The following LRBA variants were observed in gnomAD, a reference collection of about 807,000 sequenced individuals.
The protein encoded by LRBA is LPS responsive beige-like anchor protein.
In LRBA, 176 loss-of-function variants were observed where a neutral mutation model predicts 330.0. That is an observed-to-expected ratio of 0.53 (90% CI 0.47 to 0.60). The LOEUF (loss-of-function observed/expected upper bound fraction) is 0.60. Among genes scored for constraint, LRBA ranks in the 20% least tolerant of loss-of-function variants. The probability of loss-of-function intolerance (pLI) is 0.00; values close to 1 mark genes in which losing one functional copy is unlikely to be tolerated. For missense variants in LRBA, 3,259 were observed against 3,444.8 expected (o/e 0.95, Z 1.35); for synonymous variants, 1,230 against 1,193.0 (o/e 1.03, Z -0.64).
intron 37 of LRBA, among the ~76,000 whole-genome samples, chr4:150,644,069 AC>A (rs1358331662): frequency 6.6e-6 from 1 of 151,916 alleles, no homozygotes; most frequent in African/African-American, 2.4e-5. Context: ...ACCAGTGTGT[AC>A]CCATGGTATT....
At chr4:150,385,333 C>A (rs879340740) in intron 47 of LRBA, among the ~76,000 whole-genome samples, 1 of 152,002 alleles carries the variant, frequency 6.6e-6, no homozygotes, top group Non-Finnish European at 1.5e-5. Flanking sequence ...AAAAAATCTG[C>A]ATTATAGCCA....
At chr4:150,443,362 G>A (rs1364144445) in intron 44 of LRBA, among the ~76,000 whole-genome samples, 3 of 152,072 alleles carry the variant, frequency 2.0e-5, no homozygotes, top group East Asian at 3.8e-4. Context: ...ATACCCAAAG[G>A]AATATAAATC....
intron 42 of LRBA, 139 bp downstream of exon 42, chr4:150,487,593 C>A: frequency 9.4e-6 from 4 of 425,910 alleles, no homozygotes; most frequent in Admixed American, 3.5e-5. Flanking sequence ...TACTATGAAA[C>A]ATAAAACAGA....
At chr4:150,356,163 C>G (rs1053718459) in intron 47 of LRBA, among the ~76,000 whole-genome samples, 6 of 151,922 alleles carry the variant, frequency 3.9e-5, no homozygotes, top group African/African-American at 1.4e-4. Flanking sequence ...AGTTTCTTTC[C>G]ATGTCAACTT....
chr4:150,956,027 A>T (rs1737515677), intron 2 of LRBA, among the ~76,000 whole-genome samples: 1 of 149,386 alleles, frequency 6.7e-6, no homozygotes. Context: ...ATAAAATGAA[A>T]TTAACAATAT....
At chr4:150,952,507 G>T (rs1442579526) in intron 2 of LRBA, among the ~76,000 whole-genome samples, 2 of 152,016 alleles carry the variant, frequency 1.3e-5, no homozygotes, top group Non-Finnish European at 2.9e-5. Flanking sequence ...ATAAAAAAAA[G>T]GACTTTAAAA....
rs181650772 is a variant in LRBA at position 150,407,295 on chromosome 4, G to A, written c.7194+8143C>T. ...TAGAACTGTGAAAGAATAAATTTCT[G>A]CTGTTTAAGCCACCAAGTGTTTGCA... On this transcript the variant is annotated intron_variant, in intron 47 of 56. Coordinates refer to ENST00000651943, the MANE Select transcript of LRBA (RefSeq NM_001364905.1). Among the ~76,000 whole-genome samples the A allele has an allele frequency of 1.5e-3, 223 of 152,274 alleles. 1 individual carries two copies. The highest frequency in any genetic ancestry group is 3.3e-3 in the Admixed American group (50 of 15,292).
chr4:150,308,280 T>C (rs1730614664), intron 52 of LRBA, among the ~76,000 whole-genome samples: 1 of 152,212 alleles, frequency 6.6e-6, no homozygotes, highest in African/African-American at 2.4e-5. Flanking sequence ...GATATTATAA[T>C]GAAGCTGAAA....
At chr4:150,588,857 C>A (rs968002910) in intron 39 of LRBA, among the ~76,000 whole-genome samples, 46 of 152,002 alleles carry the variant, frequency 3.0e-4, no homozygotes, top group African/African-American at 1.1e-3. Context: ...GGGTGGGTTT[C>A]CAAGTGAATG....
intron 44 of LRBA, among the ~76,000 whole-genome samples, chr4:150,459,291 G>A (rs1754467385): frequency 6.6e-6 from 1 of 151,782 alleles, no homozygotes; most frequent in African/African-American, 2.4e-5. Context: ...TATCAGAAAC[G>A]TGTCTGGTAA....
chr4:150,770,354 T>C (rs1302671957), intron 34 of LRBA, among the ~76,000 whole-genome samples: 1 of 152,202 alleles, frequency 6.6e-6, no homozygotes, highest in Non-Finnish European at 1.5e-5. Context: ...TTGGTTCTAT[T>C]TCTCTGGAGA....
chr4:150,599,209 T>C, intron 37 of LRBA, 78 bp from the exon 38 acceptor site: 1 of 1,510,824 alleles, frequency 6.6e-7, no homozygotes, highest in East Asian at 2.3e-5. Flanking sequence ...CATAAAGCTC[T>C]CCTTGTTTGC....
At position 150,808,392 on chromosome 4, in the gene LRBA, C is replaced by G; in HGVS notation, c.5312G>C (p.Arg1771Thr). 6.3e-7 allele frequency: 1 copy of G among 1,595,102 alleles called. No homozygotes were observed. Among genetic ancestry groups the G allele is most frequent in the Non-Finnish European group, 8.6e-7 (1 of 1,164,066 alleles). Residue 1771 changes from arginine to threonine, a missense_variant, in exon 32 of 57, where the codon AGA becomes ACA. Coordinates refer to ENST00000651943, the MANE Select transcript of LRBA (RefSeq NM_001364905.1). ...TGAGGGCAATTTTGCATTAGATGAT[C>G]TACTGCCTATAAAAGAAAAATAACC... is the stretch of plus-strand genomic sequence containing the variant. ...SDMGGESPGS[R>T]SSNAKLPSVP...
At position 150,872,751 on chromosome 4, in the gene LRBA, T is replaced by C. The variant is rs72719663; in HGVS notation, c.2170A>G (p.Ile724Val). The change falls in exon 18 of 57, where the codon ATC becomes GTC. Residue 724 changes from isoleucine (I) to valine (V), a missense_variant. Ile to Val is a conservative substitution (Grantham distance 29). Coordinates refer to ENST00000651943, the MANE Select transcript of LRBA (RefSeq NM_001364905.1). ...CTTTTCGATGCCAGAAGTTTGTAGATAACACTGAATGAATAAAAATTTAAA... is the reference window on the plus strand; with the variant it reads ...CTTTTCGATGCCAGAAGTTTGTAGACAACACTGAATGAATAAAAATTTAAA... ...AFDQRNGLRV[I>V]YKLLASKSEG... The C allele has an allele frequency of 0.026, 40,197 of 1,550,800 alleles. 615 individuals are homozygous for C. The highest frequency in any genetic ancestry group is 0.029 in the Non-Finnish European group (33,103 of 1,131,156).
chr4:150,804,056 C>T (rs1174372884), intron 33 of LRBA, among the ~76,000 whole-genome samples: 1 of 151,588 alleles, frequency 6.6e-6, no homozygotes, highest in Non-Finnish European at 1.5e-5. Context: ...AGTTGTTACA[C>T]CATTTAAAAA....
intron 37 of LRBA, among the ~76,000 whole-genome samples, chr4:150,645,068 G>A (rs1383867530): frequency 6.7e-6 from 1 of 150,186 alleles, no homozygotes; most frequent in Non-Finnish European, 1.5e-5. Flanking sequence ...AAATACAAGT[G>A]GAATATACTA....
chr4:150,382,460 T>C (rs1177001958), intron 47 of LRBA, among the ~76,000 whole-genome samples: 2 of 151,948 alleles, frequency 1.3e-5, no homozygotes, highest in African/African-American at 4.8e-5. Context: ...CCCATCCTAC[T>C]AAAAATACAA....
Position 150,683,763 on chromosome 4 carries a change from C to G in LRBA, c.5755-46G>C. Reference sequence around the variant, plus strand: ...ATACTATAAAAAATGTGAAAAAAACCTTTAAAATCCATTATGAAATAATCT... The same window carrying G: ...ATACTATAAAAAATGTGAAAAAAACGTTTAAAATCCATTATGAAATAATCT... On this transcript the variant is annotated intron_variant, in intron 36 of 56. Coordinates refer to ENST00000651943, the MANE Select transcript of LRBA (RefSeq NM_001364905.1). 4 of 1,384,752 alleles carry G rather than the reference C, an allele frequency of 2.9e-6. 1 individual carries two copies. The highest frequency in any genetic ancestry group is 3.9e-6 in the Non-Finnish European group (4 of 1,016,498). 85.8% of individuals were successfully genotyped at this position (1,384,752 alleles called of 1,614,324 possible).
chr4:150,341,456 C>T lies in LRBA; in HGVS notation c.7362+8536G>A, dbSNP rs192949053. ...GTGCTGGGATTACAGGTGTGAGCCA[C>T]CTTGCCTGGCCTATCACCAACTTCT... is the stretch of plus-strand genomic sequence containing the variant. On this transcript the variant is annotated intron_variant, in intron 48 of 56. Coordinates refer to ENST00000651943, the MANE Select transcript of LRBA (RefSeq NM_001364905.1). Among the ~76,000 whole-genome samples, 228 of 152,244 alleles carry T rather than the reference C, an allele frequency of 1.5e-3. 1 individual carries two copies. Among genetic ancestry groups the T allele is most frequent in the African/African-American group, 5.2e-3 (215 of 41,538 alleles).
Sources: gnomAD v4.1 joint callset for allele counts (sites outside exome capture counted in the v4.1 genomes callset) on GRCh38, gnomAD v4.1.1 for gene constraint, MANE v1.5 for transcripts, NCBI Gene and HGNC (gene_info 2026-07-23, HGNC 2026-07-21) for gene names.